BCKDHB: variants seen among roughly 807,000 people sequenced by gnomAD.
BCKDHB encodes branched chain keto acid dehydrogenase E1 subunit beta.
Under a neutral mutation model 48.5 loss-of-function variants are expected in BCKDHB, and 41 were observed. The ratio of observed to expected loss-of-function variants is 0.85; its 90% CI spans 0.66 to 1.10. The LOEUF is 1.10. BCKDHB is among the 50% of genes least tolerant of loss of function. The pLI is 0.00. For missense variants in BCKDHB, 496 were observed against 494.2 expected (o/e 1.00, Z -0.03); for synonymous variants, 201 against 174.8 (o/e 1.15, Z -1.18).
At chr6:80,200,503 T>A (rs1482704879) in intron 6 of BCKDHB, among the ~76,000 whole-genome samples, 1 of 152,220 alleles carries the variant, frequency 6.6e-6, no homozygotes, top group Non-Finnish European at 1.5e-5. Context: ...GTAATAACAA[T>A]TTTTAAGAAC....
the BCKDHB span, among the ~76,000 whole-genome samples, chr6:80,419,194 G>A: frequency 1.3e-5 from 2 of 152,210 alleles, no homozygotes. Context: ...ATACACACCA[G>A]CAAAGTGATG....
At chr6:80,458,768 T>C in the BCKDHB span, among the ~76,000 whole-genome samples, 2 of 152,212 alleles carry the variant, frequency 1.3e-5, no homozygotes, top group Admixed American at 1.3e-4. Context: ...CTGAGACTTA[T>C]ATTCATATAT....
chr6:80,406,562 A>T, the BCKDHB span, among the ~76,000 whole-genome samples: 1 of 152,160 alleles, frequency 6.6e-6, no homozygotes, highest in Non-Finnish European at 1.5e-5. Flanking sequence ...CTGGTGTGAG[A>T]TGGTATCTCA....
chr6:80,410,555 A>G, the BCKDHB span, among the ~76,000 whole-genome samples: 4 of 152,172 alleles, frequency 2.6e-5, no homozygotes, highest in Non-Finnish European at 4.4e-5. Context: ...ACTTGGTTCC[A>G]TTCTCCCTGT....
chr6:80,148,620 C>T (rs908682729), intron 3 of BCKDHB, among the ~76,000 whole-genome samples: 2 of 152,142 alleles, frequency 1.3e-5, no homozygotes, highest in East Asian at 1.9e-4. Flanking sequence ...TTAAAAATAT[C>T]TGTGAGATTG....
At chr6:80,370,776 C>CGT in the BCKDHB span, among the ~76,000 whole-genome samples, 2 of 44,552 alleles carry the variant, frequency 4.5e-5, no homozygotes, top group East Asian at 4.4e-4. Flanking sequence ...GTATATATAG[C>CGT]GTGTGTGTGT....
chr6:80,368,430 T>C, the BCKDHB span, among the ~76,000 whole-genome samples: 3 of 152,218 alleles, frequency 2.0e-5, no homozygotes, highest in Non-Finnish European at 4.4e-5. Flanking sequence ...GAGATAGTTG[T>C]TCTGGTTGTA....
At chr6:80,137,770 G>C (rs574241603) in intron 3 of BCKDHB, among the ~76,000 whole-genome samples, 28 of 152,010 alleles carry the variant, frequency 1.8e-4, no homozygotes, top group African/African-American at 4.6e-4. Context: ...CCAAATAACT[G>C]TCCGTACCAA....
the BCKDHB span, among the ~76,000 whole-genome samples, chr6:80,367,463 ACT>A: frequency 7.2e-5 from 11 of 152,000 alleles, no homozygotes; most frequent in Non-Finnish European, 1.6e-4. Context: ...CACAAAACAA[ACT>A]CTACTGTTTT....
chr6:80,415,508 T>C, the BCKDHB span, among the ~76,000 whole-genome samples: 127 of 152,320 alleles, frequency 8.3e-4, 3 homozygotes, highest in South Asian at 0.024. Context: ...CAAAAGCCTT[T>C]TCTGAATCTA....
At chr6:80,143,860 C>G (rs1315366678) in intron 3 of BCKDHB, among the ~76,000 whole-genome samples, 1 of 152,154 alleles carries the variant, frequency 6.6e-6, no homozygotes, top group Non-Finnish European at 1.5e-5. Flanking sequence ...TTCTGTAATA[C>G]TGGCTCTTGG....
chr6:80,209,991 A>G (rs1774842342), intron 8 of BCKDHB, among the ~76,000 whole-genome samples: 1 of 152,044 alleles, frequency 6.6e-6, no homozygotes, highest in Admixed American at 6.6e-5. Context: ...AGTGTTGGCA[A>G]TAATGTGGAG....
At chr6:80,175,378 A>G (rs182528779) in intron 6 of BCKDHB, among the ~76,000 whole-genome samples, 45 of 152,338 alleles carry the variant, frequency 3.0e-4, no homozygotes, top group Non-Finnish European at 5.4e-4. Flanking sequence ...TAAAAATGTT[A>G]TTATTACACA....
chr6:80,305,464 G>A (rs775326989), intron 9 of BCKDHB, among the ~76,000 whole-genome samples: 114 of 151,944 alleles, frequency 7.5e-4, no homozygotes, highest in Non-Finnish European at 1.4e-3. Flanking sequence ...TTAAAAGACT[G>A]TATTCATAGC....
chr6:80,438,144 G>T, the BCKDHB span, among the ~76,000 whole-genome samples: 4 of 152,264 alleles, frequency 2.6e-5, no homozygotes, highest in African/African-American at 7.2e-5. Flanking sequence ...TCTCAGCCTC[G>T]GTTTCTTCCT....
chr6:80,407,351 T>C, the BCKDHB span, among the ~76,000 whole-genome samples: 6 of 152,204 alleles, frequency 3.9e-5, no homozygotes, highest in African/African-American at 7.2e-5. Context: ...TCTTTTTTGG[T>C]TCCATATGAA....
At chr6:80,143,100 T>A (rs1771303553) in intron 3 of BCKDHB, among the ~76,000 whole-genome samples, 1 of 152,168 alleles carries the variant, frequency 6.6e-6, no homozygotes, top group Non-Finnish European at 1.5e-5. Flanking sequence ...CTGGGGATGC[T>A]TGGATTCTCC....
chr6:80,444,400 T>C, the BCKDHB span, among the ~76,000 whole-genome samples: 1 of 152,190 alleles, frequency 6.6e-6, no homozygotes. Flanking sequence ...GCCAGGAATA[T>C]AATTCTTGAT....
At chr6:80,196,196 C>T (rs1479387346) in intron 6 of BCKDHB, among the ~76,000 whole-genome samples, 2 of 152,050 alleles carry the variant, frequency 1.3e-5, no homozygotes, top group Admixed American at 1.3e-4. Context: ...TATCTAGGGA[C>T]TTAGGAATAT....
Sources: gnomAD v4.1 joint callset for allele counts (sites outside exome capture counted in the v4.1 genomes callset) on GRCh38, gnomAD v4.1.1 for gene constraint, MANE v1.5 for transcripts, NCBI Gene and HGNC (gene_info 2026-07-23, HGNC 2026-07-21) for gene names.